GPC5: variants seen among roughly 807,000 people sequenced by gnomAD.
GPC5 encodes the protein glypican 5.
GPC5 carries 47 observed loss-of-function variants against 53.9 expected under a neutral mutation model. The observed-to-expected ratio is 0.87, with a 90% CI of 0.69 to 1.11. The LOEUF is 1.11. GPC5 is among the 50% of genes most tolerant of loss of function. The pLI is 0.00. For missense variants in GPC5, 748 were observed against 713.1 expected, an observed-to-expected ratio of 1.05 and a Z score of -0.56; for synonymous variants, 286 against 263.3, an observed-to-expected ratio of 1.09 and a Z score of -0.84.
intron 7 of GPC5, among the ~76,000 whole-genome samples, chr13:92,437,225 A>G (rs975529186): frequency 1.3e-5 from 2 of 152,292 alleles, no homozygotes; most frequent in African/African-American, 4.8e-5. Context: ...CATCAATAGA[A>G]TCGGCCCTTT....
At chr13:92,326,935 C>G (rs138066350) in intron 7 of GPC5, among the ~76,000 whole-genome samples, 1 of 152,222 alleles carries the variant, frequency 6.6e-6, no homozygotes, top group East Asian at 1.9e-4. Context: ...AGCTGATGAC[C>G]TTGGCTGCAG....
chr13:92,054,380 C>T (rs941157112), intron 6 of GPC5, among the ~76,000 whole-genome samples: 1 of 152,096 alleles, frequency 6.6e-6, no homozygotes, highest in African/African-American at 2.4e-5. Flanking sequence ...AAATAGTGTG[C>T]ATTCTTTCTG....
intron 7 of GPC5, among the ~76,000 whole-genome samples, chr13:92,784,600 C>T (rs947947396): frequency 1.3e-5 from 2 of 151,864 alleles, no homozygotes; most frequent in Non-Finnish European, 2.9e-5. Flanking sequence ...AAATGTTGTA[C>T]TCTTTTGTGG....
intron 7 of GPC5, among the ~76,000 whole-genome samples, chr13:92,389,493 A>C (rs1465609731): frequency 6.6e-6 from 1 of 152,130 alleles, no homozygotes; most frequent in East Asian, 1.9e-4. Flanking sequence ...ATATTTAGAA[A>C]CATTCTAGCT....
chr13:92,864,926 A>G (rs1189236853), intron 7 of GPC5, among the ~76,000 whole-genome samples: 2 of 152,114 alleles, frequency 1.3e-5, no homozygotes, highest in Admixed American at 6.6e-5. Context: ...TTATTCTTTC[A>G]ATCTCTCTGT....
intron 7 of GPC5, among the ~76,000 whole-genome samples, chr13:92,700,226 T>TGATA (rs1381158591): frequency 6.6e-6 from 1 of 151,978 alleles, no homozygotes; most frequent in Non-Finnish European, 1.5e-5. Context: ...GAAGTCTGTT[T>TGATA]TATCAGAGAC....
intron 7 of GPC5, among the ~76,000 whole-genome samples, chr13:92,350,400 A>G (rs1168203745): frequency 6.6e-6 from 1 of 152,234 alleles, no homozygotes; most frequent in Non-Finnish European, 1.5e-5. Flanking sequence ...TAGTCAATAG[A>G]GAAATAAATG....
chr13:92,609,347 A>G (rs1366172422), intron 7 of GPC5, among the ~76,000 whole-genome samples: 1 of 152,180 alleles, frequency 6.6e-6, no homozygotes, highest in Non-Finnish European at 1.5e-5. Context: ...ATTACCTTAG[A>G]TAAGTTACTA....
At chr13:92,605,622 G>A (rs1289714107) in intron 7 of GPC5, among the ~76,000 whole-genome samples, 7 of 141,662 alleles carry the variant, frequency 4.9e-5, no homozygotes, top group Admixed American at 1.4e-4. Flanking sequence ...TCGCTCTGTC[G>A]CCCAGGCCGG....
chr13:92,144,808 G>A (rs1453158873), intron 6 of GPC5, 22 bp from the exon 7 acceptor site: 2 of 1,599,476 alleles, frequency 1.3e-6, no homozygotes, highest in Non-Finnish European at 1.7e-6. Context: ...ATTAGTAAAG[G>A]CCTTTCTTTA....
rs145928366 is a variant in GPC5 at position 91,978,996 on chromosome 13, T to C, written c.1401+70939T>C. The stretch of plus-strand genomic sequence containing the variant: ...AAGCAAATTGGCATCTTAAATATTT[T>C]GCTTGAGCTATTGTCTGGATGGTTT... On this transcript the variant is annotated intron_variant, in intron 6 of 7. Coordinates refer to ENST00000377067, the MANE Select transcript of GPC5 (RefSeq NM_004466.6). Among the ~76,000 whole-genome samples the C allele has an allele frequency of 2.1e-3, 325 of 152,310 alleles. 2 individuals are homozygous for C. The highest frequency in any genetic ancestry group is 0.012 in the South Asian group (60 of 4,830).
At chr13:91,734,865 A>T (rs937496051) in intron 4 of GPC5, among the ~76,000 whole-genome samples, 1 of 145,482 alleles carries the variant, frequency 6.9e-6, no homozygotes, top group Non-Finnish European at 1.5e-5. Context: ...TGAAAAATGC[A>T]TTACCATATT....
chr13:92,110,910 CATGATA>C lies in GPC5; in HGVS notation c.1402-33917_1402-33912del, dbSNP rs2041551585. Among the ~76,000 whole-genome samples, 4 of 152,276 alleles carry C rather than the reference CATGATA, an allele frequency of 2.6e-5. No homozygotes were observed. In the South Asian group the frequency reaches 6.2e-4, roughly 24 times the overall value. ...AAAGGAATCTTTCCTAAAGAATCAT[CATGATA>C]ATATATGTCCATTTACACAATTAGT... On this transcript the variant is annotated intron_variant, in intron 6 of 7. Coordinates refer to ENST00000377067, the MANE Select transcript of GPC5 (RefSeq NM_004466.6).
In GPC5 at chr13:92,074,085, T is replaced by C. The variant is rs147064613; in HGVS notation, c.1402-70745T>C. Among the ~76,000 whole-genome samples, 205 of 152,296 alleles carry C rather than the reference T, an allele frequency of 1.3e-3. 2 individuals carry two copies. In the South Asian group the frequency reaches 0.014, roughly 10 times the overall value. On this transcript the variant is annotated intron_variant, in intron 6 of 7. Coordinates refer to ENST00000377067, the MANE Select transcript of GPC5 (RefSeq NM_004466.6). ...CAACGCGAATTTTGTGAACAGCTGG[T>C]GTGTGGTCAGCCCAAGGCTGAAACA...
intron 6 of GPC5, among the ~76,000 whole-genome samples, chr13:92,016,455 A>G (rs2040708015): frequency 6.6e-6 from 1 of 152,174 alleles, no homozygotes; most frequent in South Asian, 2.1e-4. Flanking sequence ...TGTAATTGTT[A>G]TAAGCAAGAA....
intron 2 of GPC5, among the ~76,000 whole-genome samples, chr13:91,569,711 A>C (rs1211154141): frequency 6.6e-6 from 1 of 152,156 alleles, no homozygotes; most frequent in Non-Finnish European, 1.5e-5. Context: ...GAAGTGATTA[A>C]GTCAAGAGTA....
At chr13:92,790,870 C>A (rs2138774285) in intron 7 of GPC5, among the ~76,000 whole-genome samples, 1 of 151,808 alleles carries the variant, frequency 6.6e-6, no homozygotes, top group African/African-American at 2.4e-5. Context: ...CAAACAACTC[C>A]AATAAACATG....
intron 2 of GPC5, among the ~76,000 whole-genome samples, chr13:91,582,779 G>A (rs1297479268): frequency 6.6e-6 from 1 of 152,168 alleles, no homozygotes; most frequent in Non-Finnish European, 1.5e-5. Flanking sequence ...TTGGGAGTCT[G>A]AGGCGGGCAG....
At chr13:91,981,233 A>T (rs982824810) in intron 6 of GPC5, among the ~76,000 whole-genome samples, 1 of 152,028 alleles carries the variant, frequency 6.6e-6, no homozygotes, top group Non-Finnish European at 1.5e-5. Context: ...AGCACTACAC[A>T]GTGATGTGTT....
Sources: allele counts gnomAD v4.1 joint callset (sites outside exome capture counted in the v4.1 genomes callset), GRCh38; gene constraint gnomAD v4.1.1; transcripts MANE v1.5; gene names NCBI Gene and HGNC (gene_info 2026-07-23, HGNC 2026-07-21).